AFAP1: variants seen among roughly 807,000 people sequenced by gnomAD.
AFAP1 encodes the protein actin filament associated protein 1.
In AFAP1, 75 loss-of-function variants were observed where a neutral mutation model predicts 93.9. The observed-to-expected ratio is 0.80, with a 90% CI of 0.66 to 0.97. The LOEUF is 0.97. Ranked by LOEUF, AFAP1 falls within the 50% of genes least tolerant of loss-of-function variation. The pLI, the probability that AFAP1 is intolerant of heterozygous loss-of-function variation, is 0.00. For missense variants in AFAP1, 1,201 were observed against 1,050.8 expected (o/e 1.14, Z -1.98); for synonymous variants, 517 against 430.7 (o/e 1.20, Z -2.48).
Position 7,763,526 on chromosome 4 carries a change from T to A in AFAP1, c.*239A>T. Reference sequence around the variant, plus strand: ...TCCTTTCAAACACCTTTCCATCACTTTTTTTGTTTTTTAACAAAGTTGGGA... The same window carrying A: ...TCCTTTCAAACACCTTTCCATCACTATTTTTGTTTTTTAACAAAGTTGGGA... On this transcript the variant is annotated 3_prime_UTR_variant, in exon 18 of 18. Coordinates refer to ENST00000420658, the MANE Select transcript of AFAP1 (RefSeq NM_001134647.2). 3.6e-6 allele frequency: 2 copies of A among 549,636 alleles called. No individual in the cohort carries two copies. Among genetic ancestry groups the A allele is most frequent in the Non-Finnish European group, 6.4e-6 (2 of 311,598 alleles). 34.0% of individuals were successfully genotyped at this position (549,636 alleles called of 1,614,324 possible).
chr4:7,798,320 CG>C lies in AFAP1; in HGVS notation c.1266+2121del, dbSNP rs1718669766. On this transcript the variant is annotated intron_variant, in intron 10 of 17. Transcript: ENST00000420658. ...CATTGCAACCCTATTGGCTGGCTCA[CG>C]GCATTGCAACTCTATTGGCTGGCTC... Among the ~76,000 whole-genome samples, 9 of 134,974 alleles carry C rather than the reference CG, an allele frequency of 6.7e-5. No individual in the cohort carries two copies. The South Asian group carries it at 2.2e-3, about 33-fold the overall frequency. The allele number at this position is 134,974 out of a possible 152,430, so 88.5% of individuals were successfully genotyped here.
At position 7,773,028 on chromosome 4, in the gene AFAP1, G is replaced by A. The variant is rs769656007; in HGVS notation, c.2063-18C>T. On this transcript the variant is annotated intron_variant, in intron 15 of 17. Coordinates refer to ENST00000420658, the MANE Select transcript of AFAP1 (RefSeq NM_001134647.2). ...CTTCCTGCCTGGAATTCCCAGAAAC[G>A]CCGTTACTCCCGCGGCAGGCACAGG... 1.5e-5 allele frequency: 24 copies of A among 1,602,828 alleles called. No individual in the cohort carries two copies. Among genetic ancestry groups the A allele is most frequent in the South Asian group, 1.1e-4 (10 of 90,712 alleles).
Position 7,763,176 on chromosome 4 carries a change from A to G in AFAP1, c.*589T>C, listed in dbSNP as rs924494479. 1 of 152,726 alleles carries G rather than the reference A, an allele frequency of 6.5e-6. No homozygotes were observed. The highest frequency in any genetic ancestry group is 2.4e-5 in the African/African-American group (1 of 41,456). 9.5% of individuals were successfully genotyped at this position (152,726 alleles called of 1,614,324 possible). A position where few individuals can be genotyped will look rare whatever the true frequency, so the allele number is the denominator to read the frequency against. On this transcript the variant is annotated 3_prime_UTR_variant, in exon 18 of 18. Coordinates refer to ENST00000420658, the MANE Select transcript of AFAP1 (RefSeq NM_001134647.2). Reference sequence around the variant, plus strand: ...GTCCAAAAAATAATAATAAAAGGTAAAAAACGTTTCACAGCGCGATTTTCT... The same window carrying G: ...GTCCAAAAAATAATAATAAAAGGTAGAAAACGTTTCACAGCGCGATTTTCT...
intron 6 of AFAP1, 137 bp downstream of exon 6, chr4:7,838,387 G>T: frequency 1.0e-6 from 1 of 975,672 alleles, no homozygotes; most frequent in Non-Finnish European, 1.4e-6. Flanking sequence ...AGAATATTTA[G>T]CTATTAAAGA....
intron 1 of AFAP1, among the ~76,000 whole-genome samples, chr4:7,884,350 GTTTT>G (rs1258421436): frequency 6.6e-6 from 1 of 151,080 alleles, no homozygotes; most frequent in Non-Finnish European, 1.5e-5. Flanking sequence ...AACAAATTTT[GTTTT>G]GTTTTGTTTC....
At chr4:7,876,092 AAG>A (rs1717487247) in intron 1 of AFAP1, among the ~76,000 whole-genome samples, 1 of 152,210 alleles carries the variant, frequency 6.6e-6, no homozygotes, top group African/African-American at 2.4e-5. Flanking sequence ...TAAAAAAGGA[AAG>A]AGAATTTGCT....
rs150052520 is a variant in AFAP1, at chr4:7,761,494, C to T, written c.*2271G>A. ...GCCTGGTGAGGAAGCTGGTGGGTGA[C>T]GGCTAAGGCCCACGTGACACTTTGC... is the stretch of plus-strand genomic sequence containing the variant. On this transcript the variant is annotated 3_prime_UTR_variant, in exon 18 of 18. Transcript: ENST00000420658. 0.019 allele frequency: 2,823 copies of T among 152,400 alleles called. 43 individuals are homozygous for T. The highest frequency in any genetic ancestry group is 0.033 in the South Asian group (160 of 4,824). The allele number at this position is 152,400 out of a possible 1,614,324, so 9.4% of individuals were successfully genotyped here. A position where few individuals can be genotyped will look rare whatever the true frequency, so the allele number is the denominator to read the frequency against.
chr4:7,918,924 C>CA (rs1560236271), intron 1 of AFAP1, among the ~76,000 whole-genome samples: 3,306 of 112,252 alleles, frequency 0.029, 730 homozygotes, highest in African/African-American at 0.052. Context: ...ACAGGGCTGC[C>CA]GGATGAGACA....
rs902775658 is a variant in AFAP1 at position 7,845,013 on chromosome 4, G to A, written c.335-1663C>T. Among the ~76,000 whole-genome samples the A allele has an allele frequency of 3.9e-5, 6 of 152,344 alleles. No individual in the cohort carries two copies. In the East Asian group the frequency reaches 9.6e-4, roughly 24 times the overall value. ...TCATATTTTTACTTGCTGGAAACTG[G>A]AGTTTAAGTTGTACTCAGTAATCAT... On this transcript the variant is annotated intron_variant, in intron 4 of 17. Coordinates refer to ENST00000420658, the MANE Select transcript of AFAP1 (RefSeq NM_001134647.2).
At chr4:7,833,450 T>C (rs1194551779) in intron 6 of AFAP1, among the ~76,000 whole-genome samples, 1 of 152,184 alleles carries the variant, frequency 6.6e-6, no homozygotes, top group African/African-American at 2.4e-5. Flanking sequence ...CACAATGTGA[T>C]ACCACCTTAC....
chr4:7,825,613 C>G (rs923431004), intron 6 of AFAP1, among the ~76,000 whole-genome samples: 4 of 152,012 alleles, frequency 2.6e-5, no homozygotes, highest in Middle Eastern at 3.4e-3. Context: ...AGACATGTAG[C>G]CTTCAATGCA....
chr4:7,906,210 G>A (rs1004038424), intron 1 of AFAP1, among the ~76,000 whole-genome samples: 6 of 152,170 alleles, frequency 3.9e-5, no homozygotes, highest in African/African-American at 1.4e-4. Flanking sequence ...TCCCAGCTCT[G>A]CGACTCATTC....
chr4:7,785,215 T>C (rs942634429), intron 12 of AFAP1, among the ~76,000 whole-genome samples: 2 of 152,098 alleles, frequency 1.3e-5, no homozygotes, highest in African/African-American at 4.8e-5. Context: ...GCAGACACCG[T>C]AGAACCAGCA....
rs1223404766 is a variant in AFAP1 at position 7,773,006 on chromosome 4, C to T, written c.2067G>A (p.Arg689=). The part of the protein sequence containing the change: ...LRAAIEVNAG[R]KPQAILEEKL... Reference sequence around the variant, plus strand: ...TCTCCTCCAGGATCGCCTGCGGCTTCCTGCCTGGAATTCCCAGAAACGCCG... The same window carrying T: ...TCTCCTCCAGGATCGCCTGCGGCTTTCTGCCTGGAATTCCCAGAAACGCCG... Residue 689 remains arginine, a synonymous_variant, in exon 16 of 18, where the codon AGG becomes AGA. Transcript: ENST00000420658. 1.3e-5 allele frequency: 21 copies of T among 1,608,558 alleles called. No homozygotes were observed. Among genetic ancestry groups the T allele is most frequent in the Admixed American group, 1.7e-5 (1 of 59,984 alleles).
At chr4:7,868,539 G>T in intron 3 of AFAP1, 83 bp downstream of exon 3, 1 of 1,203,728 alleles carries the variant, frequency 8.3e-7, no homozygotes, top group Non-Finnish European at 1.2e-6. Context: ...TTCCACACCG[G>T]GCTTCCATCA....
intron 1 of AFAP1, among the ~76,000 whole-genome samples, chr4:7,898,491 AC>A (rs1489507993): frequency 6.6e-6 from 1 of 151,932 alleles, no homozygotes; most frequent in Non-Finnish European, 1.5e-5. Context: ...CCACTCTCAA[AC>A]ATTTCAGGAA....
intron 15 of AFAP1, 131 bp downstream of exon 15, chr4:7,774,608 G>T: frequency 7.6e-7 from 1 of 1,323,986 alleles, no homozygotes; most frequent in Non-Finnish European, 1.0e-6. Context: ...AAGAAACACT[G>T]TGAGATAACC....
At chr4:7,889,288 C>T (rs34075381) in intron 1 of AFAP1, among the ~76,000 whole-genome samples, 17,379 of 151,900 alleles carry the variant, frequency 0.11, 1,162 homozygotes, top group Non-Finnish European at 0.16. Context: ...AAGGCATCTG[C>T]CTGTAATCCC....
At chr4:7,852,029 C>G (rs570929460) in intron 4 of AFAP1, among the ~76,000 whole-genome samples, 1 of 152,280 alleles carries the variant, frequency 6.6e-6, no homozygotes, top group South Asian at 2.1e-4. Flanking sequence ...GCCACAGACT[C>G]CAGCACGCTG....
Sources: allele counts gnomAD v4.1 joint callset (sites outside exome capture counted in the v4.1 genomes callset), GRCh38; gene constraint gnomAD v4.1.1; transcripts MANE v1.5; gene names NCBI Gene and HGNC (gene_info 2026-07-23, HGNC 2026-07-21).